CNTN3: variants seen among roughly 807,000 people sequenced by gnomAD.
CNTN3 encodes contactin 3.
CNTN3 carries 60 observed loss-of-function variants against 119.1 expected under a neutral mutation model. The ratio of observed to expected loss-of-function variants is 0.50; its 90% CI spans 0.41 to 0.62. CNTN3 has a LOEUF of 0.62. Among genes scored for constraint, CNTN3 ranks in the 20% least tolerant of loss-of-function variants. The probability of loss-of-function intolerance (pLI) is 0.00; values close to 1 mark genes in which losing one functional copy is unlikely to be tolerated. For synonymous variants in CNTN3, 450 were observed against 438.7 expected (o/e 1.03, Z -0.32); for missense variants, 1,101 against 1,242.4 (o/e 0.89, Z 1.71).
intron 1 of CNTN3, among the ~76,000 whole-genome samples, chr3:74,582,597 T>A (rs1355571352): frequency 6.6e-6 from 1 of 152,124 alleles, no homozygotes. Flanking sequence ...GAAAAGAGGC[T>A]TACAGCATCA....
chr3:74,558,097 T>G (rs1200079750), intron 1 of CNTN3, among the ~76,000 whole-genome samples: 1 of 152,156 alleles, frequency 6.6e-6, no homozygotes, highest in Non-Finnish European at 1.5e-5. Flanking sequence ...ATCTCCCTCT[T>G]TAGGGATAAT....
chr3:74,482,584 A>C (rs1479654097), intron 4 of CNTN3, among the ~76,000 whole-genome samples: 1 of 152,082 alleles, frequency 6.6e-6, no homozygotes, highest in Non-Finnish European at 1.5e-5. Flanking sequence ...GTGGAGCATC[A>C]ACCATATTTT....
At chr3:74,346,338 ATC>A (rs1575741634) in intron 11 of CNTN3, among the ~76,000 whole-genome samples, 1 of 152,034 alleles carries the variant, frequency 6.6e-6, no homozygotes, top group East Asian at 1.9e-4. Context: ...TTAGAAAATA[ATC>A]TCTCTTCTTT....
intron 4 of CNTN3, among the ~76,000 whole-genome samples, chr3:74,477,249 A>G (rs1342373052): frequency 2.0e-5 from 3 of 152,188 alleles, no homozygotes; most frequent in African/African-American, 7.2e-5. Flanking sequence ...CCAAAGTCAC[A>G]TGGCTGCTAA....
chr3:74,375,378 G>C (rs569550324), intron 5 of CNTN3, among the ~76,000 whole-genome samples: 5 of 152,142 alleles, frequency 3.3e-5, no homozygotes, highest in Non-Finnish European at 5.9e-5. Flanking sequence ...GCTTAAGAGA[G>C]AGTCTGGGCC....
chr3:74,275,692 A>C (rs1466679744), intron 20 of CNTN3, among the ~76,000 whole-genome samples: 4 of 151,888 alleles, frequency 2.6e-5, no homozygotes, highest in Admixed American at 1.3e-4. Flanking sequence ...CAAAGGACCT[A>C]TAAAAAAAAA....
At chr3:74,389,911 C>A (rs1253787742) in intron 5 of CNTN3, among the ~76,000 whole-genome samples, 1 of 152,138 alleles carries the variant, frequency 6.6e-6, no homozygotes, top group African/African-American at 2.4e-5. Context: ...AGCCTTCTTA[C>A]TCTCTCTGAA....
chr3:74,430,372 C>T (rs868558919), intron 4 of CNTN3, among the ~76,000 whole-genome samples: 3 of 152,268 alleles, frequency 2.0e-5, no homozygotes, highest in African/African-American at 4.8e-5. Context: ...ATTATGCTGA[C>T]TGAAATATGC....
intron 2 of CNTN3, among the ~76,000 whole-genome samples, chr3:74,512,063 A>G (rs1050199618): frequency 4.6e-5 from 7 of 152,250 alleles, no homozygotes; most frequent in Admixed American, 3.9e-4. Context: ...TATCTATAAT[A>G]TAGGATTTTT....
chr3:74,613,349 G>A (rs1705114508), intron 1 of CNTN3, among the ~76,000 whole-genome samples: 2 of 150,782 alleles, frequency 1.3e-5, no homozygotes, highest in Admixed American at 6.6e-5. Context: ...CATATGAGCT[G>A]GGGTTTCTGA....
rs1703132273 is a variant in CNTN3 at position 74,499,794 on chromosome 3, G to A, written c.56-9C>T. 1 of 1,581,230 alleles carries A rather than the reference G, an allele frequency of 6.3e-7. No homozygotes were observed. Among genetic ancestry groups the A allele is most frequent in the South Asian group, 1.2e-5 (1 of 85,468 alleles). On this transcript the variant is annotated splice_polypyrimidine_tract_variant and intron_variant, in intron 2 of 22. Coordinates refer to ENST00000263665, the MANE Select transcript of CNTN3 (RefSeq NM_020872.3). ...TTGTAAGAGAAGCTCACCTATATGGGTGGGAGACATCCAAAAAATAATAAT... is the reference window on the plus strand; with the variant it reads ...TTGTAAGAGAAGCTCACCTATATGGATGGGAGACATCCAAAAAATAATAAT...
At chr3:74,292,325 G>GGCTTGGCCCAA (rs1419452259) in intron 19 of CNTN3, among the ~76,000 whole-genome samples, 3 of 152,194 alleles carry the variant, frequency 2.0e-5, no homozygotes, top group African/African-American at 7.2e-5. Context: ...AGCACTTTGG[G>GGCTTGGCCCAA]AGGCCAAGGC....
intron 12 of CNTN3, 27 bp downstream of exon 12, chr3:74,336,504 A>C (rs1184625039): frequency 1.9e-6 from 3 of 1,608,124 alleles, no homozygotes; most frequent in Non-Finnish European, 2.6e-6. Context: ...ATCCGTATGT[A>C]AAGCAATATT....
intron 5 of CNTN3, among the ~76,000 whole-genome samples, chr3:74,377,215 G>A (rs1397995015): frequency 6.6e-6 from 1 of 152,032 alleles, no homozygotes; most frequent in East Asian, 1.9e-4. Flanking sequence ...TAGACTCTTT[G>A]AGATAAAATG....
intron 5 of CNTN3, among the ~76,000 whole-genome samples, chr3:74,399,647 G>A (rs944977930): frequency 2.0e-5 from 3 of 152,180 alleles, no homozygotes; most frequent in Non-Finnish European, 4.4e-5. Flanking sequence ...ATTCCTTTGG[G>A]TATATACCCA....
At chr3:74,355,629 A>C (rs1438631266) in intron 11 of CNTN3, among the ~76,000 whole-genome samples, 2 of 151,706 alleles carry the variant, frequency 1.3e-5, no homozygotes, top group Non-Finnish European at 2.9e-5. Context: ...TAATTTTTGT[A>C]TTTTTAGTAG....
chr3:74,596,237 A>G (rs986811408), intron 1 of CNTN3, among the ~76,000 whole-genome samples: 2,501 of 152,236 alleles, frequency 0.016, 69 homozygotes, highest in African/African-American at 0.057. Context: ...GGAAGAATCA[A>G]TATCGTGAAA....
chr3:74,393,606 C>T (rs886645437), intron 5 of CNTN3, among the ~76,000 whole-genome samples: 1 of 152,186 alleles, frequency 6.6e-6, no homozygotes, highest in Non-Finnish European at 1.5e-5. Context: ...GTGCAAATAT[C>T]TCGGACAAAT....
chr3:74,461,517 C>G (rs769577305), intron 4 of CNTN3, among the ~76,000 whole-genome samples: 167 of 152,076 alleles, frequency 1.1e-3, no homozygotes, highest in Middle Eastern at 3.4e-3. Flanking sequence ...GTGCTACATA[C>G]TTTCTAGGGC....
Sources: gnomAD v4.1 joint callset for allele counts (sites outside exome capture counted in the v4.1 genomes callset) on GRCh38, gnomAD v4.1.1 for gene constraint, MANE v1.5 for transcripts, NCBI Gene and HGNC (gene_info 2026-07-23, HGNC 2026-07-21) for gene names.